The following SEMA3A variants were observed in gnomAD, a reference collection of about 807,000 sequenced individuals.
SEMA3A encodes semaphorin-3A.
A neutral mutation model predicts 97.9 loss-of-function variants in SEMA3A; 29 were observed. That is an observed-to-expected ratio of 0.30 (90% CI 0.22 to 0.40). SEMA3A has a LOEUF of 0.40. Among genes scored for constraint, SEMA3A ranks in the 10% least tolerant of loss-of-function variants. The pLI, the probability that SEMA3A is intolerant of heterozygous loss-of-function variation, is 1.00. For missense variants in SEMA3A, 763 were observed against 951.3 expected (o/e 0.80, Z 2.60); for synonymous variants, 321 against 323.7 (o/e 0.99, Z 0.09).
Position 84,470,678 on chromosome 7 carries a change from CA to C in SEMA3A, c.-246+21781del, listed in dbSNP as rs1806124146. 2.0e-5 allele frequency among the ~76,000 whole-genome samples: 3 copies of C among 152,114 alleles called. No homozygotes were observed. The South Asian group carries it at 6.2e-4, about 32-fold the overall frequency. ...CGGTATATAGCAAGGTTTATACACA[CA>C]AATCCCAGAACTCTTCTCCAATTAT... On this transcript the variant is annotated intron_variant, in intron 1 of 3. Coordinates refer to the SEMA3A transcript ENST00000424555.
chr7:84,239,329 T>C (rs1222596125), intron 3 of SEMA3A, among the ~76,000 whole-genome samples: 2 of 152,186 alleles, frequency 1.3e-5, no homozygotes, highest in Non-Finnish European at 2.9e-5. Flanking sequence ...AAGCAAAGGC[T>C]TTTGTTGAAA....
chr7:84,115,054 A>C (rs1795384145), intron 3 of SEMA3A, among the ~76,000 whole-genome samples: 1 of 152,088 alleles, frequency 6.6e-6, no homozygotes, highest in Non-Finnish European at 1.5e-5. Flanking sequence ...TGCCATAATA[A>C]AATGAACTGA....
intron 1 of SEMA3A, among the ~76,000 whole-genome samples, chr7:84,447,703 C>G (rs966050001): frequency 3.9e-5 from 6 of 152,280 alleles, no homozygotes; most frequent in African/African-American, 1.4e-4. Flanking sequence ...TCCAGTTGTC[C>G]GCATACCTCA....
At chr7:84,408,005 C>T (rs1263166676) in intron 1 of SEMA3A, among the ~76,000 whole-genome samples, 5 of 152,110 alleles carry the variant, frequency 3.3e-5, no homozygotes, top group Non-Finnish European at 7.4e-5. Flanking sequence ...ATGTCTAAAG[C>T]ACAAAAGCAA....
At chr7:84,014,066 A>T in intron 7 of SEMA3A, 143 bp downstream of exon 7, 1 of 652,596 alleles carries the variant, frequency 1.5e-6, no homozygotes, top group South Asian at 2.2e-5. Context: ...TATAATATTC[A>T]ATCATTATTT....
chr7:84,137,126 C>A (rs1796154281), intron 1 of SEMA3A, among the ~76,000 whole-genome samples: 1 of 152,210 alleles, frequency 6.6e-6, no homozygotes, highest in Non-Finnish European at 1.5e-5. Flanking sequence ...ATTGGCTGGA[C>A]ACGGTGGCTC....
chr7:84,302,959 G>GA (rs1324923318), intron 3 of SEMA3A, among the ~76,000 whole-genome samples: 2 of 151,894 alleles, frequency 1.3e-5, no homozygotes, highest in African/African-American at 4.8e-5. Context: ...GATTAGCAAA[G>GA]AAAAAGAAAA....
At chr7:84,435,605 A>AAAAC (rs368458406) in intron 1 of SEMA3A, among the ~76,000 whole-genome samples, 1,728 of 152,150 alleles carry the variant, frequency 0.011, 40 homozygotes, top group African/African-American at 0.039. Flanking sequence ...AAATTCTGTC[A>AAAAC]AAACAAACAA....
At chr7:83,973,765 G>A (rs1285189875) in intron 15 of SEMA3A, among the ~76,000 whole-genome samples, 4 of 152,024 alleles carry the variant, frequency 2.6e-5, no homozygotes, top group Non-Finnish European at 5.9e-5. Context: ...GTGCCAGGAA[G>A]GTAATGCATG....
intron 12 of SEMA3A, among the ~76,000 whole-genome samples, chr7:83,992,693 A>G (rs1201816793): frequency 1.3e-5 from 2 of 151,582 alleles, no homozygotes; most frequent in Non-Finnish European, 3.0e-5. Flanking sequence ...ATAGTTTGTT[A>G]TAATTTCTGT....
chr7:84,064,059 A>G (rs1793373450), intron 4 of SEMA3A, among the ~76,000 whole-genome samples: 1 of 152,220 alleles, frequency 6.6e-6, no homozygotes, highest in Non-Finnish European at 1.5e-5. Flanking sequence ...CATCAGACTA[A>G]CAGCTGATCG....
chr7:83,972,429 T>C (rs1584492134), intron 15 of SEMA3A, among the ~76,000 whole-genome samples: 1 of 152,220 alleles, frequency 6.6e-6, no homozygotes, highest in South Asian at 2.1e-4. Context: ...GTATGTTTTA[T>C]TTTCATGATT....
chr7:84,104,825 G>A (rs1364456450), intron 4 of SEMA3A, among the ~76,000 whole-genome samples: 2 of 152,124 alleles, frequency 1.3e-5, no homozygotes, highest in African/African-American at 4.8e-5. Flanking sequence ...TTCTCCTCAA[G>A]TACAAAGAGC....
At chr7:84,341,469 G>A (rs920068290) in intron 2 of SEMA3A, among the ~76,000 whole-genome samples, 2 of 151,646 alleles carry the variant, frequency 1.3e-5, no homozygotes, top group Admixed American at 1.3e-4. Flanking sequence ...TCACAAGCAA[G>A]TTGTCAACAT....
chr7:84,431,622 G>C (rs1562945949), intron 1 of SEMA3A, among the ~76,000 whole-genome samples: 1 of 148,318 alleles, frequency 6.7e-6, no homozygotes, highest in Non-Finnish European at 1.5e-5. Flanking sequence ...AAAAATCAGA[G>C]TTTTTTTTTT....
chr7:84,453,098 G>A (rs1230005395), intron 1 of SEMA3A, among the ~76,000 whole-genome samples: 3 of 149,252 alleles, frequency 2.0e-5, no homozygotes, highest in Admixed American at 1.3e-4. Context: ...TTTATCAAAC[G>A]CAAAGGAATC....
chr7:84,196,683 G>A (rs951729526), upstream of SEMA3A, among the ~76,000 whole-genome samples: 2 of 152,252 alleles, frequency 1.3e-5, no homozygotes, highest in African/African-American at 4.8e-5. Context: ...ATGACAAGAG[G>A]CTTGTCTGTC....
chr7:84,404,883 T>C (rs1804027050), intron 1 of SEMA3A, among the ~76,000 whole-genome samples: 2 of 151,980 alleles, frequency 1.3e-5, no homozygotes, highest in Admixed American at 6.5e-5. Flanking sequence ...CTAAAAGAGC[T>C]CCTGAAGGAA....
chr7:84,191,722 A>G (rs902333710), intron 1 of SEMA3A, among the ~76,000 whole-genome samples: 2 of 151,830 alleles, frequency 1.3e-5, no homozygotes, highest in Non-Finnish European at 3.0e-5. Context: ...AATGTTTCTT[A>G]AGGATAATTT....
Sources: gnomAD v4.1 joint callset for allele counts (sites outside exome capture counted in the v4.1 genomes callset) on GRCh38, gnomAD v4.1.1 for gene constraint, MANE v1.5 for transcripts, NCBI Gene and HGNC (gene_info 2026-07-23, HGNC 2026-07-21) for gene names.